Variants in PPFIA2 observed in about 807,000 individuals in gnomAD.
The protein encoded by PPFIA2 is liprin-alpha-2.
Under a neutral mutation model 175.5 loss-of-function variants are expected in PPFIA2, and 46 were observed. The ratio of observed to expected loss-of-function variants is 0.26; its 90% confidence interval spans 0.21 to 0.34. PPFIA2 has a LOEUF of 0.34. PPFIA2 is among the 10% of genes least tolerant of loss of function. The pLI is 1.00. For missense variants in PPFIA2, 1,179 were observed against 1,506.1 expected, an observed-to-expected ratio of 0.78 and a Z score of 3.60; for synonymous variants, 568 against 511.4, an observed-to-expected ratio of 1.11 and a Z score of -1.49.
chr12:81,395,758 G>T (rs1397607802), intron 8 of PPFIA2, among the ~76,000 whole-genome samples: 12 of 151,972 alleles, frequency 7.9e-5, no homozygotes. Flanking sequence ...GACTTAATCT[G>T]CAATAATAAA....
rs2034298954 is a variant in PPFIA2, at chr12:81,368,856, C to A, written c.1351G>T (p.Ala451Ser). 2 of 1,599,808 alleles carry A rather than the reference C, an allele frequency of 1.3e-6. No individual in the cohort carries two copies. Among genetic ancestry groups the A allele is most frequent in the Non-Finnish European group, 1.7e-6 (2 of 1,175,102 alleles). ...LEEKNQELQRARQREKMNEEH... is the reference protein window; with the variant it reads ...LEEKNQELQRSRQREKMNEEH... The stretch of plus-strand genomic sequence containing the variant: ...TCATTCATTTTCTCTCTTTGCCTAG[C>A]CTTACATTTTAAAAAATGACATAAA... Residue 451 changes from alanine (A) to serine (S), a missense_variant and splice_region_variant, in exon 13 of 33, where the codon GCT (alanine) becomes TCT (serine). Ala to Ser is a moderately conservative substitution (Grantham distance 99). Transcript: ENST00000549396.
At chr12:81,395,466 G>T (rs1165531236) in intron 8 of PPFIA2, among the ~76,000 whole-genome samples, 2 of 151,936 alleles carry the variant, frequency 1.3e-5, no homozygotes, top group African/African-American at 4.8e-5. Flanking sequence ...ATATGACTTT[G>T]GCTTGTTGAG....
chr12:81,374,799 A>C (rs761817979), intron 10 of PPFIA2, 31 bp from the exon 11 acceptor site: 8 of 1,594,328 alleles, frequency 5.0e-6, no homozygotes, highest in Non-Finnish European at 5.1e-6. Context: ...GAGACACTTA[A>C]AGAGTCAGAG....
chr12:81,712,277 C>A (rs527318647), intron 3 of PPFIA2, among the ~76,000 whole-genome samples: 1 of 151,244 alleles, frequency 6.6e-6, no homozygotes, highest in South Asian at 2.1e-4. Context: ...TTAGAGAAAT[C>A]GTTTTATAAA....
chr12:81,642,369 T>G (rs1030022690), intron 4 of PPFIA2, among the ~76,000 whole-genome samples: 2 of 151,746 alleles, frequency 1.3e-5, no homozygotes, highest in African/African-American at 2.4e-5. Flanking sequence ...AGCTTTTACA[T>G]CTGTCAGAAA....
rs2054390358 is a variant in PPFIA2 at position 81,460,774 on chromosome 12, C to T, written c.304-2908G>A. Among the ~76,000 whole-genome samples the T allele has an allele frequency of 2.0e-5, 3 of 152,152 alleles. No homozygotes were observed. The South Asian group carries it at 6.2e-4, about 32-fold the overall frequency. On this transcript the variant is annotated intron_variant, in intron 4 of 32. Coordinates refer to ENST00000549396, the MANE Select transcript of PPFIA2 (RefSeq NM_003625.5). ...TTGCAAACTTACAGTATGTTAGGTC[C>T]TCTGCCAAGCAATTTATATTAATTA...
chr12:81,445,823 TGTTAGCTGCAG>T, intron 5 of PPFIA2, 103 bp from the exon 6 acceptor site: 1 of 1,133,534 alleles, frequency 8.8e-7, no homozygotes. Context: ...TAGTATCTAA[TGTTAGCTGCAG>T]GTTACACTGC....
chr12:81,265,346 A>T (rs185794729), intron 30 of PPFIA2, among the ~76,000 whole-genome samples: 1 of 151,508 alleles, frequency 6.6e-6, no homozygotes, highest in African/African-American at 2.4e-5. Flanking sequence ...AAGCGTTTGA[A>T]TTATGATTCC....
Position 81,594,406 on chromosome 12 carries a change from T to G in PPFIA2, c.303+82385A>C, listed in dbSNP as rs990085658. Among the ~76,000 whole-genome samples, 5 of 152,126 alleles carry G rather than the reference T, an allele frequency of 3.3e-5. No individual in the cohort carries two copies. In the East Asian group the frequency reaches 5.8e-4, roughly 18 times the overall value. On this transcript the variant is annotated intron_variant, in intron 4 of 32. Coordinates refer to ENST00000549396, the MANE Select transcript of PPFIA2 (RefSeq NM_003625.5). ...AGGATTCAATGGCTAAACAAATAAA[T>G]AAATATATCTTAAACAGAAATAATT...
intron 4 of PPFIA2, among the ~76,000 whole-genome samples, chr12:81,532,109 C>T (rs773364184): frequency 2.6e-5 from 4 of 151,680 alleles, no homozygotes; most frequent in African/African-American, 7.3e-5. Context: ...TAAAAGCAGC[C>T]GTGACATTTG....
Position 81,636,556 on chromosome 12 carries a change from C to A in PPFIA2, c.303+40235G>T, listed in dbSNP as rs528440752. 1.5e-4 allele frequency among the ~76,000 whole-genome samples: 23 copies of A among 150,554 alleles called. 1 individual carries two copies. In the East Asian group the frequency reaches 3.1e-3, roughly 21 times the overall value. ...CTGGGATTACAGGCGTGAGCCACCG[C>A]GCCCGGCCAACTCTCTGATATTAAA... On this transcript the variant is annotated intron_variant, in intron 4 of 32. Coordinates refer to ENST00000549396, the MANE Select transcript of PPFIA2 (RefSeq NM_003625.5).
intron 8 of PPFIA2, among the ~76,000 whole-genome samples, chr12:81,398,083 A>G (rs889616296): frequency 6.6e-6 from 1 of 152,012 alleles, no homozygotes; most frequent in Non-Finnish European, 1.5e-5. Context: ...TGCAAAATAA[A>G]TGTAATGTGC....
intron 3 of PPFIA2, among the ~76,000 whole-genome samples, chr12:81,734,520 T>A (rs1320268771): frequency 6.6e-6 from 1 of 151,728 alleles, no homozygotes; most frequent in East Asian, 1.9e-4. Flanking sequence ...ACAAATGTAA[T>A]TCTATGAATT....
intron 8 of PPFIA2, among the ~76,000 whole-genome samples, chr12:81,385,959 A>G (rs193145879): frequency 2.3e-4 from 35 of 152,154 alleles, no homozygotes; most frequent in African/African-American, 8.4e-4. Flanking sequence ...ACTCACGAAT[A>G]TGTACATTTA....
At chr12:81,305,766 T>C (rs532874358) in intron 22 of PPFIA2, among the ~76,000 whole-genome samples, 10 of 152,302 alleles carry the variant, frequency 6.6e-5, no homozygotes, top group African/African-American at 1.7e-4. Context: ...AATTACTTAT[T>C]AGACAATCCT....
intron 3 of PPFIA2, among the ~76,000 whole-genome samples, chr12:81,719,776 TC>T (rs1486446809): frequency 1.3e-5 from 2 of 151,596 alleles, no homozygotes; most frequent in African/African-American, 4.8e-5. Flanking sequence ...CAAATACATT[TC>T]AAAATGTGTT....
intron 4 of PPFIA2, among the ~76,000 whole-genome samples, chr12:81,579,854 A>G (rs2074135399): frequency 6.6e-6 from 1 of 151,848 alleles, no homozygotes; most frequent in African/African-American, 2.4e-5. Context: ...TCAGATTCAG[A>G]TTAAAAATGC....
chr12:81,292,830 G>C (rs1038052062), intron 24 of PPFIA2: 1 of 151,930 alleles, frequency 6.6e-6, no homozygotes, highest in African/African-American at 2.4e-5. Context: ...TCCAGGTATA[G>C]TGAAAAACAT....
chr12:81,493,764 A>G (rs964955826), intron 4 of PPFIA2, among the ~76,000 whole-genome samples: 17 of 129,404 alleles, frequency 1.3e-4, no homozygotes, highest in Admixed American at 1.1e-3. Context: ...CTATATATAT[A>G]TATATATATA....
Sources: gnomAD v4.1 joint callset for allele counts (sites outside exome capture counted in the v4.1 genomes callset) on GRCh38, gnomAD v4.1.1 for gene constraint, MANE v1.5 for transcripts, NCBI Gene and HGNC (gene_info 2026-07-23, HGNC 2026-07-21) for gene names.